KIAA1549: variants seen among roughly 807,000 people sequenced by gnomAD.
KIAA1549 encodes the protein KIAA1549.
KIAA1549 carries 70 observed loss-of-function variants against 156.4 expected under a neutral mutation model. The observed-to-expected ratio is 0.45, with a 90% CI of 0.37 to 0.55. The LOEUF is 0.55. Among genes scored for constraint, KIAA1549 ranks in the 20% least tolerant of loss-of-function variants. The probability of loss-of-function intolerance (pLI) is 0.00; values close to 1 mark genes in which losing one functional copy is unlikely to be tolerated. For missense variants in KIAA1549, 2,428 were observed against 2,540.9 expected (o/e 0.96, Z 0.96); for synonymous variants, 1,103 against 1,066.4 (o/e 1.03, Z -0.67).
chr7:138,865,952 C>G (rs1252410500), intron 15 of KIAA1549, among the ~76,000 whole-genome samples: 1 of 152,098 alleles, frequency 6.6e-6, no homozygotes, highest in African/African-American at 2.4e-5. Context: ...TGTTTCACAC[C>G]ACAGCAAGTC....
intron 1 of KIAA1549, among the ~76,000 whole-genome samples, chr7:138,964,108 T>A (rs1813942106): frequency 6.6e-6 from 1 of 152,374 alleles, no homozygotes; most frequent in East Asian, 1.9e-4. Flanking sequence ...TTCATTTCTC[T>A]TAACCTACGT....
At chr7:138,939,499 A>T (rs1288326393) in intron 1 of KIAA1549, among the ~76,000 whole-genome samples, 2 of 152,102 alleles carry the variant, frequency 1.3e-5, no homozygotes, top group Non-Finnish European at 2.9e-5. Context: ...CACATTCTAT[A>T]TTTGGCTGAC....
intron 17 of KIAA1549, among the ~76,000 whole-genome samples, chr7:138,846,427 A>G (rs1051843861): frequency 6.6e-6 from 1 of 150,758 alleles, no homozygotes; most frequent in African/African-American, 2.4e-5. Flanking sequence ...CCAGATACTC[A>G]GGAGGCTGAG....
intron 1 of KIAA1549, among the ~76,000 whole-genome samples, chr7:138,931,397 T>TA (rs1171123928): frequency 2.6e-5 from 4 of 152,220 alleles, no homozygotes; most frequent in Non-Finnish European, 5.9e-5. Context: ...ATGTCAGTTA[T>TA]AACTTCTCCA....
At chr7:138,976,425 A>G (rs1814381281) in intron 1 of KIAA1549, among the ~76,000 whole-genome samples, 1 of 152,078 alleles carries the variant, frequency 6.6e-6, no homozygotes, top group East Asian at 1.9e-4. Context: ...TACCAATGGT[A>G]TACAGTAGTC....
chr7:138,920,027 G>A (rs1361170415), intron 1 of KIAA1549, among the ~76,000 whole-genome samples: 1 of 152,140 alleles, frequency 6.6e-6, no homozygotes, highest in Non-Finnish European at 1.5e-5. Flanking sequence ...GAAGGCCCCA[G>A]GCTTCCTGCA....
chr7:138,900,902 C>A (rs1054565155), intron 8 of KIAA1549, among the ~76,000 whole-genome samples: 2 of 152,224 alleles, frequency 1.3e-5, no homozygotes, highest in Non-Finnish European at 2.9e-5. Context: ...GCCAAATAAA[C>A]CTCTTTTCTT....
intron 16 of KIAA1549, among the ~76,000 whole-genome samples, chr7:138,853,406 C>G (rs1315474510): frequency 2.6e-5 from 4 of 152,162 alleles, no homozygotes; most frequent in African/African-American, 7.2e-5. Context: ...CTTTTGGACT[C>G]CAAAGACCAT....
chr7:138,844,353 A>G lies in KIAA1549; in HGVS notation c.5416T>C (p.Ser1806Pro). The stretch of plus-strand genomic sequence containing the variant: ...CCGACAGGCCGAGGCCGGGCCACCG[A>G]CGGCATCTCCTCCGAGTAGATCCCT... ...ARGIYSEEMPSVARPRPVGGT... is the reference protein window; with the variant it reads ...ARGIYSEEMPPVARPRPVGGT... Residue 1806 changes from serine to proline, a missense_variant, in exon 18 of 20, where the codon TCG becomes CCG. Ser to Pro is a moderately conservative substitution (Grantham distance 74, BLOSUM62 -1). Around this residue, in one of 5 missense-constraint regions of KIAA1549, gnomAD observed 363 missense variants for 354.0 expected, o/e 1.03. Coordinates refer to ENST00000422774, the MANE Select transcript of KIAA1549 (RefSeq NM_001164665.2). The G allele has an allele frequency of 6.2e-7, 1 of 1,613,936 alleles. No homozygotes were observed. The highest frequency in any genetic ancestry group is 8.5e-7 in the Non-Finnish European group (1 of 1,179,860).
intron 2 of KIAA1549, among the ~76,000 whole-genome samples, chr7:138,916,429 A>C (rs1812321776): frequency 6.6e-6 from 1 of 152,184 alleles, no homozygotes; most frequent in Admixed American, 6.5e-5. Context: ...ACTAATATGC[A>C]CCATCCCGTG....
chr7:138,848,076 T>G (rs1186746867), intron 17 of KIAA1549, among the ~76,000 whole-genome samples: 1 of 152,272 alleles, frequency 6.6e-6, no homozygotes, highest in Non-Finnish European at 1.5e-5. Context: ...GCAATTTTGC[T>G]AAATTCCCTA....
intron 1 of KIAA1549, among the ~76,000 whole-genome samples, chr7:138,958,641 C>T (rs760352843): frequency 1.3e-5 from 2 of 152,160 alleles, no homozygotes; most frequent in African/African-American, 4.8e-5. Flanking sequence ...TTCTCTCCCC[C>T]TCGTTTAGCT....
intron 10 of KIAA1549, among the ~76,000 whole-genome samples, chr7:138,887,279 T>C (rs1037494585): frequency 9.8e-5 from 15 of 152,286 alleles, no homozygotes; most frequent in African/African-American, 3.4e-4. Flanking sequence ...AATTAATTAT[T>C]AAATATTTAT....
At chr7:138,961,846 G>GAAAAAAAAA (rs35074532) in intron 1 of KIAA1549, among the ~76,000 whole-genome samples, 1 of 94,036 alleles carries the variant, frequency 1.1e-5, no homozygotes, top group Non-Finnish European at 2.5e-5. Context: ...TGTCTCTTAA[G>GAAAAAAAAA]AAAAAAAAAA....
At chr7:138,865,218 G>A (rs982591642) in intron 15 of KIAA1549, among the ~76,000 whole-genome samples, 2 of 151,846 alleles carry the variant, frequency 1.3e-5, no homozygotes, top group African/African-American at 4.8e-5. Context: ...AACAGAGCTG[G>A]AGTGTCTCAA....
intron 8 of KIAA1549, among the ~76,000 whole-genome samples, chr7:138,900,809 G>A (rs542240045): frequency 3.6e-4 from 55 of 152,204 alleles, no homozygotes; most frequent in African/African-American, 1.3e-3. Flanking sequence ...GCTTCCCTTC[G>A]CCTTCCAGCA....
intron 1 of KIAA1549, among the ~76,000 whole-genome samples, chr7:138,928,249 A>G (rs1812779276): frequency 6.8e-6 from 1 of 147,028 alleles, no homozygotes; most frequent in African/African-American, 2.5e-5. Flanking sequence ...CCTACTGCCC[A>G]TTTTTCTTTT....
At chr7:138,899,172 T>C (rs1811773685) in intron 8 of KIAA1549, 40 bp from the exon 9 acceptor site, 1 of 1,564,984 alleles carries the variant, frequency 6.4e-7, no homozygotes, top group Non-Finnish European at 8.8e-7. Context: ...CAGAAGCTCA[T>C]GTTTCTAGAT....
In KIAA1549 at chr7:138,909,000, GAGGTTA is replaced by G; in HGVS notation, c.3261_3266del (p.Asn1088_Leu1089del). On this transcript the variant is annotated inframe_deletion, in exon 5 of 20. Transcript: ENST00000422774. The stretch of plus-strand genomic sequence containing the variant: ...TCAGTGATATTCTCACCTGCACCGT[GAGGTTA>G]TACGTTCCCTGGTGGTGTTTTCTCA... 1 of 1,614,010 alleles carries G rather than the reference GAGGTTA, an allele frequency of 6.2e-7. No homozygotes were observed. The highest frequency in any genetic ancestry group is 8.5e-7 in the Non-Finnish European group (1 of 1,179,886).
Sources: allele counts gnomAD v4.1 joint callset (sites outside exome capture counted in the v4.1 genomes callset), GRCh38; gene constraint gnomAD v4.1.1; regional missense constraint gnomAD v4.1.1; transcripts MANE v1.5; gene names NCBI Gene and HGNC (gene_info 2026-07-23, HGNC 2026-07-21).